Variants in LRRC26 observed in about 807,000 individuals in gnomAD.
LRRC26 encodes the protein leucine rich repeat containing 26.
Under a neutral mutation model 15.3 loss-of-function variants are expected in LRRC26, and 17 were observed. That is an observed-to-expected ratio of 1.11 (90% confidence interval 0.76 to 1.66). The LOEUF is 1.66. LRRC26 is among the 40% of genes most tolerant of loss of function. The probability of loss-of-function intolerance (pLI) is 0.00; values close to 1 mark genes in which losing one functional copy is unlikely to be tolerated. For synonymous variants in LRRC26, 301 were observed against 272.1 expected (o/e 1.11, Z -1.05); for missense variants, 573 against 501.0 (o/e 1.14, Z -1.37).
chr9:137,169,376 G>GGCGGCCCAGCAGCC lies in LRRC26; in HGVS notation c.554_567dup (p.Leu190GlyfsTer9). ...AGGTGCAGCGCGTCTAGAGCGGGCA[G>GGCGGCCCAGCAGCC]GCGGCCCAGCAGCCCCGGCGCGAGT... On this transcript the variant is annotated frameshift_variant, in exon 1 of 2. Transcript: ENST00000371542. LOFTEE classifies it high-confidence loss of function. 8.1e-6 allele frequency: 12 copies of GGCGGCCCAGCAGCC among 1,487,224 alleles called. No homozygotes were observed. Among genetic ancestry groups the GGCGGCCCAGCAGCC allele is most frequent in the Non-Finnish European group, 1.1e-5 (12 of 1,128,012 alleles). The allele number at this position is 1,487,224 out of a possible 1,614,324, so 92.1% of individuals were successfully genotyped here.
chr9:137,169,037 G>T lies in LRRC26; in HGVS notation c.822C>A (p.Leu274=). 1.3e-6 allele frequency: 2 copies of T among 1,533,740 alleles called. No individual in the cohort carries two copies. Among genetic ancestry groups the T allele is most frequent in the Non-Finnish European group, 1.7e-6 (2 of 1,147,454 alleles). ...GCGCCAGGCAGGAAGCCAGGCTGAC[G>T]AGGAAGGAGGCCGGCCCGAGCGTGT... ...VVYTLGPASF[L]VSLASCLALG... Residue 274 remains leucine, a synonymous_variant, in exon 2 of 2, where the codon CTC becomes CTA. Coordinates refer to ENST00000371542, the MANE Select transcript of LRRC26 (RefSeq NM_001013653.3).
In LRRC26 at chr9:137,168,966, C is replaced by T; in HGVS notation, c.893G>A (p.Arg298His). The change falls in exon 2 of 2, where the codon CGC becomes CAC. Residue 298 changes from arginine to histidine, a missense_variant. Transcript: ENST00000371542. The stretch of plus-strand genomic sequence containing the variant: ...TCTCGGCGGGCGGAGGGCGGCGGTG[C>T]GGAGGCGGCGGCGGCGCGCACGGCA... The part of the protein sequence containing the change: ...TACRARRRRL[R>H]TAALRPPRPP... 1 of 1,417,100 alleles carries T rather than the reference C, an allele frequency of 7.1e-7. No individual in the cohort carries two copies. The highest frequency in any genetic ancestry group is 9.2e-7 in the Non-Finnish European group (1 of 1,091,748). 87.8% of individuals were successfully genotyped at this position (1,417,100 alleles called of 1,614,324 possible). A position where few individuals can be genotyped will look rare whatever the true frequency, so the allele number is the denominator to read the frequency against.
chr9:137,168,899 G>C lies in LRRC26; in HGVS notation c.960C>G (p.Ala320=). 1 of 1,291,266 alleles carries C rather than the reference G, an allele frequency of 7.7e-7. No homozygotes were observed. The highest frequency in any genetic ancestry group is 9.8e-7 in the Non-Finnish European group (1 of 1,025,120). 80.0% of individuals were successfully genotyped at this position (1,291,266 alleles called of 1,614,324 possible). ...CGGGGCTCCCCGGGTCCGCGGGCGAGGCACAGCCGTGGGGGTCGGGATCGG... is the reference window on the plus strand; with the variant it reads ...CGGGGCTCCCCGGGTCCGCGGGCGACGCACAGCCGTGGGGGTCGGGATCGG... ...PNPDPDPHGC[A]SPADPGSPAA... Residue 320 remains alanine, a synonymous_variant, in exon 2 of 2, where the codon GCC becomes GCG. Transcript: ENST00000371542.
At position 137,168,938 on chromosome 9, in the gene LRRC26, C is replaced by T. The variant is rs1406807318; in HGVS notation, c.921G>A (p.Pro307=). The change falls in exon 2 of 2, where the codon CCG becomes CCA. Residue 307 remains proline (P), a synonymous_variant. Coordinates refer to ENST00000371542, the MANE Select transcript of LRRC26 (RefSeq NM_001013653.3). ...LRTAALRPPR[P]PDPNPDPDPH... is the part of the protein sequence containing the mutation. ...GGTCGGGATCGGGGTTCGGGTCTGG[C>T]GGTCTCGGCGGGCGGAGGGCGGCGG... 7.2e-7 allele frequency: 1 copy of T among 1,385,382 alleles called. No homozygotes were observed. The highest frequency in any genetic ancestry group is 9.3e-7 in the Non-Finnish European group (1 of 1,077,352). 85.8% of individuals were successfully genotyped at this position (1,385,382 alleles called of 1,614,324 possible). A position where few individuals can be genotyped will look rare whatever the true frequency, so the allele number is the denominator to read the frequency against.
rs1352858906 is a variant in LRRC26, at chr9:137,169,654, A to G, written c.290T>C (p.Leu97Pro). 3.3e-6 allele frequency: 5 copies of G among 1,503,422 alleles called. No individual in the cohort carries two copies. The highest frequency in any genetic ancestry group is 5.5e-5 in the East Asian group (2 of 36,176). The allele number at this position is 1,503,422 out of a possible 1,614,324, so 93.1% of individuals were successfully genotyped here. ...GTTCTCGCGCAGGTCCAGGCGCTGT[A>G]GCGCGCCCGCTCCCGCGAAGGCACC... Reference protein sequence around the residue: ...PPGAFAGAGALQRLDLRENGL... With the variant: ...PPGAFAGAGAPQRLDLRENGL... The change falls in exon 1 of 2, where the codon CTA becomes CCA. Residue 97 changes from leucine (L) to proline (P), a missense_variant. Leu to Pro is a moderately conservative substitution (Grantham distance 98, BLOSUM62 -3). Coordinates refer to ENST00000371542, the MANE Select transcript of LRRC26 (RefSeq NM_001013653.3).
chr9:137,168,762 C>T lies in LRRC26; in HGVS notation c.*92G>A, dbSNP rs1834010242. 3 of 959,658 alleles carry T rather than the reference C, an allele frequency of 3.1e-6. No homozygotes were observed. The highest frequency in any genetic ancestry group is 4.0e-6 in the Non-Finnish European group (3 of 748,432). 59.4% of individuals were successfully genotyped at this position (959,658 alleles called of 1,614,324 possible). On this transcript the variant is annotated 3_prime_UTR_variant, in exon 2 of 2. Transcript: ENST00000371542. ...GCCTAAAGGAATGTCACGCAGTTTTCGGTCTGTGTCGCTTGTTGACGCCGG... is the reference window on the plus strand; with the variant it reads ...GCCTAAAGGAATGTCACGCAGTTTTTGGTCTGTGTCGCTTGTTGACGCCGG...
In LRRC26 at chr9:137,169,714, A is replaced by G. The variant is rs1423310430; in HGVS notation, c.230T>C (p.Leu77Pro). ...PGLSLRLRAL[L>P]LDHNRVRALP... ...CGCACGGACGCGGTTGTGGTCCAGCAGCAGCGCGCGCAGGCGCAGGCTCAG... is the reference window on the plus strand; with the variant it reads ...CGCACGGACGCGGTTGTGGTCCAGCGGCAGCGCGCGCAGGCGCAGGCTCAG... The change falls in exon 1 of 2, where the codon CTG becomes CCG. Residue 77 changes from leucine to proline, a missense_variant. Coordinates refer to ENST00000371542, the MANE Select transcript of LRRC26 (RefSeq NM_001013653.3). 6.1e-6 allele frequency: 9 copies of G among 1,469,260 alleles called. No individual in the cohort carries two copies. Among genetic ancestry groups the G allele is most frequent in the East Asian group, 2.9e-5 (1 of 34,650 alleles). 91.0% of individuals were successfully genotyped at this position (1,469,260 alleles called of 1,614,324 possible). A position where few individuals can be genotyped will look rare whatever the true frequency, so the allele number is the denominator to read the frequency against.
In LRRC26 at chr9:137,169,766, G is replaced by C; in HGVS notation, c.178C>G (p.Leu60Val). The change falls in exon 1 of 2, where the codon CTC (leucine) becomes GTC (valine). Residue 60 changes from leucine to valine, a missense_variant. Coordinates refer to ENST00000371542, the MANE Select transcript of LRRC26 (RefSeq NM_001013653.3). ...CCCGGGGGCACGGCGGGCAGCGAGAGTGCCGAGCAGCTGGCCAGGCCTCCC... is the reference window on the plus strand; with the variant it reads ...CCCGGGGGCACGGCGGGCAGCGAGACTGCCGAGCAGCTGGCCAGGCCTCCC... ...VPGGLASCSA[L>V]SLPAVPPGLS... 7.2e-7 allele frequency: 1 copy of C among 1,395,966 alleles called. No individual in the cohort carries two copies. Among genetic ancestry groups the C allele is most frequent in the Non-Finnish European group, 9.2e-7 (1 of 1,086,088 alleles). The allele number at this position is 1,395,966 out of a possible 1,614,324, so 86.5% of individuals were successfully genotyped here.
rs763165450 is a variant in LRRC26 at position 137,168,987 on chromosome 9, C to G, written c.872G>C (p.Arg291Pro). The change falls in exon 2 of 2, where the codon CGT (arginine) becomes CCT (proline). Residue 291 changes from arginine (R) to proline (P), a missense_variant. Arg to Pro is a moderately radical substitution (Grantham distance 103). Transcript: ENST00000371542. ...GGTGCGGAGGCGGCGGCGGCGCGCA[C>G]GGCAGGCGGTGAGCCCAGAGCCCAG... ...LALGSGLTACRARRRRLRTAA... is the reference protein window; with the variant it reads ...LALGSGLTACPARRRRLRTAA... The G allele has an allele frequency of 1.4e-5, 21 of 1,449,830 alleles. No homozygotes were observed. In the South Asian group the frequency reaches 2.7e-4, roughly 19 times the overall value. The allele number at this position is 1,449,830 out of a possible 1,614,324, so 89.8% of individuals were successfully genotyped here. A position where few individuals can be genotyped will look rare whatever the true frequency, so the allele number is the denominator to read the frequency against.
Position 137,169,630 on chromosome 9 carries a change from T to C in LRRC26, c.314A>G (p.Asn105Ser). 1 of 1,514,746 alleles carries C rather than the reference T, an allele frequency of 6.6e-7. No individual in the cohort carries two copies. 93.8% of individuals were successfully genotyped at this position (1,514,746 alleles called of 1,614,324 possible). A position where few individuals can be genotyped will look rare whatever the true frequency, so the allele number is the denominator to read the frequency against. The change falls in exon 1 of 2, where the codon AAC (asparagine) becomes AGC (serine). Residue 105 changes from asparagine (N) to serine (S), a missense_variant. Transcript: ENST00000371542. ...TCGCACATGCACCGAGTGCAGCCCG[T>C]TCTCGCGCAGGTCCAGGCGCTGTAG... ...GALQRLDLRE[N>S]GLHSVHVRAF...
Position 137,169,857 on chromosome 9 carries a change from C to G in LRRC26, c.87G>C (p.Ser29=). 2 of 1,473,030 alleles carry G rather than the reference C, an allele frequency of 1.4e-6. No homozygotes were observed. Among genetic ancestry groups the G allele is most frequent in the Middle Eastern group, 2.2e-4 (1 of 4,600 alleles). The allele number at this position is 1,473,030 out of a possible 1,614,324, so 91.2% of individuals were successfully genotyped here. A position where few individuals can be genotyped will look rare whatever the true frequency, so the allele number is the denominator to read the frequency against. Residue 29 remains serine, a synonymous_variant, in exon 1 of 2, where the codon TCG becomes TCC. Coordinates refer to ENST00000371542, the MANE Select transcript of LRRC26 (RefSeq NM_001013653.3). ...LSPWPVWAQV[S]ATASPSGSLG... is the part of the protein sequence containing the mutation. ...GGGACCCCGAGGGCGAGGCCGTGGC[C>G]GACACCTGGGCCCAGACAGGCCAAG...
rs961044389 is a variant in LRRC26, at chr9:137,169,947, G to T, written c.-4C>A. On this transcript the variant is annotated 5_prime_UTR_variant, in exon 1 of 2. Transcript: ENST00000371542. ...GCGACCAGGAAGGGCCCCGCATGGGGGCAGCCCCCCCGCCCCCGGCACCCG... is the reference window on the plus strand; with the variant it reads ...GCGACCAGGAAGGGCCCCGCATGGGTGCAGCCCCCCCGCCCCCGGCACCCG... 2.7e-5 allele frequency: 39 copies of T among 1,424,396 alleles called. No homozygotes were observed. Among genetic ancestry groups the T allele is most frequent in the African/African-American group, 3.0e-5 (2 of 65,808 alleles). 88.2% of individuals were successfully genotyped at this position (1,424,396 alleles called of 1,614,324 possible).
chr9:137,169,252 C>G lies in LRRC26; in HGVS notation c.673+19G>C, dbSNP rs1241634643. On this transcript the variant is annotated intron_variant, in intron 1 of 1. Transcript: ENST00000371542. ...CCGCACCGCCCTGCAGACCCCGACC[C>G]GCGTCCCCAGCAGCTCACCTGACGC... 1.5e-6 allele frequency: 2 copies of G among 1,371,824 alleles called. No homozygotes were observed. The highest frequency in any genetic ancestry group is 1.9e-6 in the Non-Finnish European group (2 of 1,070,870). 85.0% of individuals were successfully genotyped at this position (1,371,824 alleles called of 1,614,324 possible).
In LRRC26 at chr9:137,168,763, G is replaced by T. The variant is rs951541472; in HGVS notation, c.*91C>A. On this transcript the variant is annotated 3_prime_UTR_variant, in exon 2 of 2. Coordinates refer to ENST00000371542, the MANE Select transcript of LRRC26 (RefSeq NM_001013653.3). ...CCTAAAGGAATGTCACGCAGTTTTC[G>T]GTCTGTGTCGCTTGTTGACGCCGGC... 1.0e-6 allele frequency: 1 copy of T among 978,134 alleles called. No homozygotes were observed. The highest frequency in any genetic ancestry group is 1.7e-5 in the African/African-American group (1 of 58,630). The allele number at this position is 978,134 out of a possible 1,614,324, so 60.6% of individuals were successfully genotyped here. A position where few individuals can be genotyped will look rare whatever the true frequency, so the allele number is the denominator to read the frequency against.
At position 137,168,819 on chromosome 9, in the gene LRRC26, G is replaced by A; in HGVS notation, c.*35C>T. 2 of 1,225,180 alleles carry A rather than the reference G, an allele frequency of 1.6e-6. No individual in the cohort carries two copies. Among genetic ancestry groups the A allele is most frequent in the Non-Finnish European group, 2.0e-6 (2 of 983,516 alleles). The allele number at this position is 1,225,180 out of a possible 1,614,324, so 75.9% of individuals were successfully genotyped here. On this transcript the variant is annotated 3_prime_UTR_variant, in exon 2 of 2. Transcript: ENST00000371542. ...GTGTAAAGGGAGGGCAAAGGCATGG[G>A]GGAAGCTTCGAGCGCTCCAGGCGGC...
In LRRC26 at chr9:137,169,209, G is replaced by A. The variant is rs1395169054; in HGVS notation, c.674-24C>T. The A allele has an allele frequency of 5.0e-6, 7 of 1,403,798 alleles. No homozygotes were observed. The African/African-American group carries it at 7.4e-5, about 15-fold the overall frequency. The allele number at this position is 1,403,798 out of a possible 1,614,324, so 87.0% of individuals were successfully genotyped here. On this transcript the variant is annotated intron_variant, in intron 1 of 1. Coordinates refer to ENST00000371542, the MANE Select transcript of LRRC26 (RefSeq NM_001013653.3). Reference sequence around the variant, plus strand: ...CTCTGTGGGACACAGACAAAGGCGCGGCGTCAGGTGGCGGCTGCCGCACCG... The same window carrying A: ...CTCTGTGGGACACAGACAAAGGCGCAGCGTCAGGTGGCGGCTGCCGCACCG...
In LRRC26 at chr9:137,169,477, G is replaced by A; in HGVS notation, c.467C>T (p.Ala156Val). The A allele has an allele frequency of 2.0e-6, 3 of 1,520,600 alleles. No homozygotes were observed. The highest frequency in any genetic ancestry group is 2.6e-5 in the East Asian group (1 of 38,754). 94.2% of individuals were successfully genotyped at this position (1,520,600 alleles called of 1,614,324 possible). Residue 156 changes from alanine (A) to valine (V), a missense_variant, in exon 1 of 2, where the codon GCG becomes GTG. Physicochemically the swap from Ala to Val is moderately conservative, Grantham distance 64 (BLOSUM62 0). Coordinates refer to ENST00000371542, the MANE Select transcript of LRRC26 (RefSeq NM_001013653.3). ...RNLSLAGNRL[A>V]RLEPAALGAL... ...GCCTAGCGCCGCGGGCTCCAGGCGC[G>A]CCAGCCGGTTGCCGGCCAATGAGAG...
rs539956816 is a variant in LRRC26, at chr9:137,169,382, C to G, written c.562G>C (p.Gly188Arg). ...AGCGCGTCTAGAGCGGGCAGGCGGC[C>G]CAGCAGCCCCGGCGCGAGTGCCGCC... ...ELAALAPGLL[G>R]RLPALDALHL... is the part of the protein sequence containing the mutation. The change falls in exon 1 of 2, where the codon GGC becomes CGC. Residue 188 changes from glycine to arginine, a missense_variant. Transcript: ENST00000371542. 2.0e-6 allele frequency: 3 copies of G among 1,492,364 alleles called. No individual in the cohort carries two copies. Among genetic ancestry groups the G allele is most frequent in the Admixed American group, 2.2e-5 (1 of 44,540 alleles). 92.4% of individuals were successfully genotyped at this position (1,492,364 alleles called of 1,614,324 possible).
chr9:137,169,285 G>A lies in LRRC26; in HGVS notation c.659C>T (p.Pro220Leu), dbSNP rs1443384344. 2 of 1,382,782 alleles carry A rather than the reference G, an allele frequency of 1.4e-6. No homozygotes were observed. The highest frequency in any genetic ancestry group is 1.6e-5 in the South Asian group (1 of 61,844). The allele number at this position is 1,382,782 out of a possible 1,614,324, so 85.7% of individuals were successfully genotyped here. A position where few individuals can be genotyped will look rare whatever the true frequency, so the allele number is the denominator to read the frequency against. The change falls in exon 1 of 2, where the codon CCG becomes CTG. Residue 220 changes from proline to leucine, a missense_variant. By Grantham distance (98) the Pro-to-Leu change is moderately conservative. Coordinates refer to ENST00000371542, the MANE Select transcript of LRRC26 (RefSeq NM_001013653.3). ...RPLCAWLRRH[P>L]LPASEAETVL... ...CAGCAGCTCACCTGACGCGGGCAGC[G>A]GGTGCCGGCGCAGCCAGGCGCAGAG...
Sources: gnomAD v4.1 joint callset for allele counts on GRCh38, gnomAD v4.1.1 for gene constraint, MANE v1.5 for transcripts, NCBI Gene and HGNC (gene_info 2026-07-23, HGNC 2026-07-21) for gene names.